Variants in COX6B1 observed in about 807,000 individuals in gnomAD.
COX6B1 encodes cytochrome c oxidase subunit 6B1.
A neutral mutation model predicts 14.0 loss-of-function variants in COX6B1; 2 were observed. That is an observed-to-expected ratio of 0.14 (90% CI 0.06 to 0.45). The LOEUF (loss-of-function observed/expected upper bound fraction) is 0.45, where lower values mean the gene tolerates loss of function less well. Among genes scored for constraint, COX6B1 ranks in the 20% least tolerant of loss-of-function variants. The probability of loss-of-function intolerance (pLI) is 0.98; values close to 1 mark genes in which losing one functional copy is unlikely to be tolerated. For synonymous variants in COX6B1, 30 were observed against 39.7 expected (o/e 0.76, Z 0.92); for missense variants, 81 against 114.2 (o/e 0.71, Z 1.33).
At position 35,654,691 on chromosome 19, in the gene COX6B1, GC is replaced by G. The variant is rs1568343214; in HGVS notation, c.207+23del. 6.2e-7 allele frequency: 1 copy of G among 1,609,678 alleles called. No individual in the cohort carries two copies. Among genetic ancestry groups the G allele is most frequent in the Admixed American group, 1.7e-5 (1 of 59,984 alleles). The stretch of plus-strand genomic sequence containing the variant: ...TCCTGGGTATGTGCCTCCTGCCAGG[GC>G]CCTTGGGATGCTGGGGTGGGGTCTT... On this transcript the variant is annotated intron_variant, in intron 3 of 3. Coordinates refer to ENST00000649813, the MANE Select transcript of COX6B1 (RefSeq NM_001863.5).
chr19:35,653,762 A>G (rs551771011), intron 2 of COX6B1, among the ~76,000 whole-genome samples: 1 of 150,996 alleles, frequency 6.6e-6, no homozygotes, highest in South Asian at 2.1e-4. Flanking sequence ...TTGTATTTTT[A>G]GTAGAGATGG....
Position 35,658,705 on chromosome 19 carries a change from G to T in COX6B1, c.*58G>T, listed in dbSNP as rs986602536. 1.1e-5 allele frequency: 17 copies of T among 1,490,830 alleles called. No individual in the cohort carries two copies. The highest frequency in any genetic ancestry group is 1.6e-5 in the Non-Finnish European group (17 of 1,068,280). 92.4% of individuals were successfully genotyped at this position (1,490,830 alleles called of 1,614,324 possible). On this transcript the variant is annotated 3_prime_UTR_variant, in exon 4 of 4. Coordinates refer to ENST00000649813, the MANE Select transcript of COX6B1 (RefSeq NM_001863.5). ...TCCTTCTCCCAGGATGGTGAAGGGG[G>T]ACCTGGTACCCAGTGATCCCCACCC...
intron 1 of COX6B1, 47 bp from the exon 2 acceptor site, chr19:35,651,186 T>C (rs1357301966): frequency 1.6e-6 from 2 of 1,230,312 alleles, no homozygotes; most frequent in Non-Finnish European, 2.4e-6. Flanking sequence ...TCTGGCTTGC[T>C]CAGGGCCCCT....
rs200312775 is a variant in COX6B1 at position 35,651,225 on chromosome 19, G to A, written c.-11-8G>A. The stretch of plus-strand genomic sequence containing the variant: ...GCCCCTGCTGACACCCACTCCTTTC[G>A]CCTCCAGGATTCAGCACCATGGCGG... On this transcript the variant is annotated splice_polypyrimidine_tract_variant and splice_region_variant and intron_variant, in intron 1 of 3. Coordinates refer to ENST00000649813, the MANE Select transcript of COX6B1 (RefSeq NM_001863.5). The A allele has an allele frequency of 1.6e-5, 25 of 1,602,728 alleles. No homozygotes were observed. The East Asian group carries it at 3.4e-4, about 21-fold the overall frequency.
Position 35,658,652 on chromosome 19 carries a change from G to T in COX6B1, c.*5G>T. Reference sequence around the variant, plus strand: ...ACGTTTCCCGGGAAGATCTGAACTGGCTGCATCTCCCTTTCCTCTGTCCTC... The same window carrying T: ...ACGTTTCCCGGGAAGATCTGAACTGTCTGCATCTCCCTTTCCTCTGTCCTC... On this transcript the variant is annotated 3_prime_UTR_variant, in exon 4 of 4. Coordinates refer to ENST00000649813, the MANE Select transcript of COX6B1 (RefSeq NM_001863.5). The T allele has an allele frequency of 6.2e-7, 1 of 1,613,614 alleles. No individual in the cohort carries two copies. Among genetic ancestry groups the T allele is most frequent in the Non-Finnish European group, 8.5e-7 (1 of 1,179,602 alleles).
intron 2 of COX6B1, among the ~76,000 whole-genome samples, chr19:35,652,149 TC>T (rs1967831771): frequency 6.6e-6 from 1 of 150,872 alleles, no homozygotes; most frequent in Admixed American, 6.6e-5. Context: ...CCTGCCTCAG[TC>T]CCCCAAGTAG....
At chr19:35,653,491 C>G (rs534753143) in intron 2 of COX6B1, among the ~76,000 whole-genome samples, 1 of 151,146 alleles carries the variant, frequency 6.6e-6, no homozygotes, top group Non-Finnish European at 1.5e-5. Flanking sequence ...CCAGGCTGGT[C>G]TCGATCTCCT....
intron 2 of COX6B1, among the ~76,000 whole-genome samples, chr19:35,652,323 G>A (rs760960989): frequency 4.6e-5 from 7 of 151,972 alleles, no homozygotes; most frequent in Admixed American, 1.3e-4. Context: ...GAGCCACCGC[G>A]CCTGGCCTCC....
At chr19:35,648,564 G>T (rs1043808322) in intron 1 of COX6B1, 161 bp downstream of exon 1, 1 of 326,132 alleles carries the variant, frequency 3.1e-6, no homozygotes, top group Non-Finnish European at 6.1e-6. Context: ...ACAATGATAC[G>T]GTTCTTCCTT....
At chr19:35,649,582 G>C (rs1967801499) in intron 1 of COX6B1, among the ~76,000 whole-genome samples, 1 of 151,606 alleles carries the variant, frequency 6.6e-6, no homozygotes, top group African/African-American at 2.4e-5. Flanking sequence ...GGGTTCAAGT[G>C]ATTCTCCTGC....
At chr19:35,650,559 T>A (rs1318316950) in intron 1 of COX6B1, among the ~76,000 whole-genome samples, 1 of 152,018 alleles carries the variant, frequency 6.6e-6, no homozygotes, top group Non-Finnish European at 1.5e-5. Flanking sequence ...TACAAAAAAA[T>A]TAGCAGGGCA....
intron 3 of COX6B1, among the ~76,000 whole-genome samples, chr19:35,656,081 C>T (rs1250126069): frequency 2.6e-5 from 4 of 152,174 alleles, no homozygotes; most frequent in Non-Finnish European, 5.9e-5. Context: ...CTGCCTGCCT[C>T]AGCCTCCCAA....
rs559487414 is a variant in COX6B1 at position 35,654,469 on chromosome 19, C to G, written c.107-102C>G. Reference sequence around the variant, plus strand: ...GTTGCAGTGAGCTGAGATCGCACCACTGCACTCCAGCCTGAGTGACAGATT... The same window carrying G: ...GTTGCAGTGAGCTGAGATCGCACCAGTGCACTCCAGCCTGAGTGACAGATT... On this transcript the variant is annotated intron_variant, in intron 2 of 3. Transcript: ENST00000649813. 1.6e-3 allele frequency: 1,473 copies of G among 944,000 alleles called. 4 individuals carry two copies. The highest frequency in any genetic ancestry group is 2.2e-3 in the Non-Finnish European group (1,294 of 577,652). 58.5% of individuals were successfully genotyped at this position (944,000 alleles called of 1,614,324 possible). A position where few individuals can be genotyped will look rare whatever the true frequency, so the allele number is the denominator to read the frequency against.
At chr19:35,651,613 C>G (rs1967825664) in intron 2 of COX6B1, among the ~76,000 whole-genome samples, 1 of 151,972 alleles carries the variant, frequency 6.6e-6, no homozygotes, top group Non-Finnish European at 1.5e-5. Flanking sequence ...ACTTTGTCAC[C>G]TAGGCTGGAG....
chr19:35,655,380 T>C (rs1967877591), intron 3 of COX6B1, among the ~76,000 whole-genome samples: 1 of 152,168 alleles, frequency 6.6e-6, no homozygotes, highest in Non-Finnish European at 1.5e-5. Context: ...CTCAAATACA[T>C]CCATCACCCA....
At chr19:35,649,435 T>A (rs1215766132) in intron 1 of COX6B1, among the ~76,000 whole-genome samples, 1 of 151,860 alleles carries the variant, frequency 6.6e-6, no homozygotes, top group Non-Finnish European at 1.5e-5. Context: ...CCTGCCTCAG[T>A]AGCTGGGACC....
chr19:35,650,742 G>A (rs1967815558), intron 1 of COX6B1, among the ~76,000 whole-genome samples: 1 of 151,972 alleles, frequency 6.6e-6, no homozygotes, highest in Non-Finnish European at 1.5e-5. Context: ...AGGTTTCTGG[G>A]ATTCATCAGA....
chr19:35,654,643 T>C lies in COX6B1; in HGVS notation c.179T>C (p.Val60Ala), dbSNP rs1349570558. The change falls in exon 3 of 4, where the codon GTG becomes GCG. Residue 60 changes from valine (V) to alanine (A), a missense_variant. Transcript: ENST00000649813. ...DISVCEWYQR[V>A]YQSLCPTSWV... is the part of the protein sequence containing the mutation. The stretch of plus-strand genomic sequence containing the variant: ...TCTGTGTGCGAATGGTACCAGCGTG[T>C]GTACCAGTCCCTCTGCCCCACATCC... 6 of 1,614,036 alleles carry C rather than the reference T, an allele frequency of 3.7e-6. No homozygotes were observed. The highest frequency in any genetic ancestry group is 5.1e-6 in the Non-Finnish European group (6 of 1,180,006).
intron 2 of COX6B1, among the ~76,000 whole-genome samples, chr19:35,652,501 G>A (rs1327196321): frequency 6.6e-6 from 1 of 151,308 alleles, no homozygotes; most frequent in Non-Finnish European, 1.5e-5. Context: ...TCACGATCTC[G>A]GCTCACTGCA....
Sources: allele counts gnomAD v4.1 joint callset (sites outside exome capture counted in the v4.1 genomes callset), GRCh38; gene constraint gnomAD v4.1.1; transcripts MANE v1.5; gene names NCBI Gene and HGNC (gene_info 2026-07-23, HGNC 2026-07-21).